The following ZNF662 variants were observed in gnomAD, a reference collection of about 807,000 sequenced individuals.
ZNF662 encodes the protein zinc finger protein 662.
In ZNF662, 14 loss-of-function variants were observed where a neutral mutation model predicts 12.4. The ratio of observed to expected loss-of-function variants is 1.13; its 90% CI spans 0.75 to 1.77. The LOEUF is 1.77. Among genes scored for constraint, ZNF662 ranks in the 40% most tolerant of loss-of-function variants. The pLI is 0.00. For missense variants in ZNF662, 550 were observed against 515.6 expected, an observed-to-expected ratio of 1.07 and a Z score of -0.65; for synonymous variants, 184 against 176.4, an observed-to-expected ratio of 1.04 and a Z score of -0.34.
At position 42,916,050 on chromosome 3, in the gene ZNF662, C is replaced by T. The variant is rs942420131; in HGVS notation, c.*696C>T. 6.6e-6 allele frequency: 1 copy of T among 152,074 alleles called. No homozygotes were observed. The highest frequency in any genetic ancestry group is 1.5e-5 in the Non-Finnish European group (1 of 68,016). 9.4% of individuals were successfully genotyped at this position (152,074 alleles called of 1,614,324 possible). A position where few individuals can be genotyped will look rare whatever the true frequency, so the allele number is the denominator to read the frequency against. ...AACATTAATCTTTGACTAGATATAA[C>T]ATGCTCATGATAAAAAAGAATTGAA... On this transcript the variant is annotated 3_prime_UTR_variant, in exon 5 of 5. Transcript: ENST00000440367.
chr3:42,910,170 G>T (rs973064039), intron 3 of ZNF662, among the ~76,000 whole-genome samples: 1 of 152,182 alleles, frequency 6.6e-6, no homozygotes, highest in Non-Finnish European at 1.5e-5. Context: ...GGCCAACACG[G>T]CCAAACCCCG....
chr3:42,915,473 G>C lies in ZNF662; in HGVS notation c.*119G>C. On this transcript the variant is annotated 3_prime_UTR_variant, in exon 5 of 5. Transcript: ENST00000440367. ...TAACTTAAATAGCCAGTATTATCTT[G>C]CCCTTTTGAACATTTACCATGTACT... The C allele has an allele frequency of 1.1e-6, 1 of 950,456 alleles. No individual in the cohort carries two copies. The highest frequency in any genetic ancestry group is 1.8e-5 in the South Asian group (1 of 55,710). 58.9% of individuals were successfully genotyped at this position (950,456 alleles called of 1,614,324 possible).
rs1354453891 is a variant in ZNF662 at position 42,915,646 on chromosome 3, A to C, written c.*292A>C. ...TAGGTGCTCTTCTCCCCATTTTACA[A>C]ATGAGAAATCTGAGTTGAAAGAGGT... On this transcript the variant is annotated 3_prime_UTR_variant, in exon 5 of 5. Transcript: ENST00000440367. The C allele has an allele frequency of 3.5e-6, 1 of 284,054 alleles. No individual in the cohort carries two copies. Among genetic ancestry groups the C allele is most frequent in the African/African-American group, 2.2e-5 (1 of 46,052 alleles). 17.6% of individuals were successfully genotyped at this position (284,054 alleles called of 1,614,324 possible). A position where few individuals can be genotyped will look rare whatever the true frequency, so the allele number is the denominator to read the frequency against.
rs2088893226 is a variant in ZNF662 at position 42,915,963 on chromosome 3, A to C, written c.*609A>C. ...TAATAGTCTCATGTCTTTTAATCTT[A>C]ACCCCAGCTAAATGACTCTGAGGAC... is the stretch of plus-strand genomic sequence containing the variant. On this transcript the variant is annotated 3_prime_UTR_variant, in exon 5 of 5. Coordinates refer to ENST00000440367, the MANE Select transcript of ZNF662 (RefSeq NM_207404.4). The C allele has an allele frequency of 6.6e-6, 1 of 152,122 alleles. No homozygotes were observed. Among genetic ancestry groups the C allele is most frequent in the African/African-American group, 2.4e-5 (1 of 41,424 alleles). 9.4% of individuals were successfully genotyped at this position (152,122 alleles called of 1,614,324 possible).
chr3:42,914,829 A>C lies in ZNF662; in HGVS notation c.756A>C (p.Glu252Asp), dbSNP rs1479405394. Residue 252 changes from glutamate to aspartate, a missense_variant, in exon 5 of 5, where the codon GAA (glutamate) becomes GAC (aspartate). By Grantham distance (45) the Glu-to-Asp change is conservative. Coordinates refer to ENST00000440367, the MANE Select transcript of ZNF662 (RefSeq NM_207404.4). ...HSGVKPYECQ[E>D]CAKAFVWKSN... Reference sequence around the variant, plus strand: ...GGGTGAAACCCTATGAATGTCAAGAATGTGCTAAGGCCTTTGTTTGGAAGT... The same window carrying C: ...GGGTGAAACCCTATGAATGTCAAGACTGTGCTAAGGCCTTTGTTTGGAAGT... 1 of 1,614,094 alleles carries C rather than the reference A, an allele frequency of 6.2e-7. No homozygotes were observed. The highest frequency in any genetic ancestry group is 1.1e-5 in the South Asian group (1 of 91,064).
At position 42,917,359 on chromosome 3, in the gene ZNF662, G is replaced by A. The variant is rs1011474425; in HGVS notation, c.*2005G>A. The stretch of plus-strand genomic sequence containing the variant: ...AAAGAGAGGCTTTTCTTCATCGAGA[G>A]CTACCAGAGGAGATATTATCTGTCC... On this transcript the variant is annotated 3_prime_UTR_variant, in exon 5 of 5. Coordinates refer to ENST00000440367, the MANE Select transcript of ZNF662 (RefSeq NM_207404.4). 1 of 603,404 alleles carries A rather than the reference G, an allele frequency of 1.7e-6. No individual in the cohort carries two copies. The highest frequency in any genetic ancestry group is 2.9e-6 in the Non-Finnish European group (1 of 342,674). 37.4% of individuals were successfully genotyped at this position (603,404 alleles called of 1,614,324 possible).
chr3:42,910,635 A>C (rs1235266515), intron 3 of ZNF662, among the ~76,000 whole-genome samples: 2 of 152,140 alleles, frequency 1.3e-5, no homozygotes, highest in Non-Finnish European at 2.9e-5. Context: ...GATAGTTCCT[A>C]TTCCTCAGGG....
In ZNF662 at chr3:42,906,174, G is replaced by C. The variant is rs965873350; in HGVS notation, c.-94+6G>C. ...CGGATGCTGGGGCCTGGCGGGTGTG[G>C]AGCACGGGGAGTCGGGCGTGGGGCG... On this transcript the variant is annotated splice_donor_region_variant and intron_variant, in intron 1 of 4. Coordinates refer to ENST00000440367, the MANE Select transcript of ZNF662 (RefSeq NM_207404.4). This position sits in a 1 kb window ranked among gnomAD's most constrained non-coding sequence, Gnocchi z 4.4. 1.7e-6 allele frequency: 1 copy of C among 577,100 alleles called. No individual in the cohort carries two copies. Among genetic ancestry groups the C allele is most frequent in the African/African-American group, 2.0e-5 (1 of 50,130 alleles). The allele number at this position is 577,100 out of a possible 1,614,324, so 35.7% of individuals were successfully genotyped here.
rs543161860 is a variant in ZNF662, at chr3:42,906,448, G to A, written c.-94+280G>A. ...GCTGCCCCGGGCGCGCCGGGTGAGT[G>A]CGGGGCCGGAGCCTGGAAGCAGTCT... On this transcript the variant is annotated intron_variant, in intron 1 of 4. Transcript: ENST00000440367. This position sits in a 1 kb window ranked among gnomAD's most constrained non-coding sequence, Gnocchi z 4.4. The A allele has an allele frequency of 3.5e-6, 5 of 1,441,316 alleles. No homozygotes were observed. In the South Asian group the frequency reaches 7.1e-5, roughly 20 times the overall value. The allele number at this position is 1,441,316 out of a possible 1,614,324, so 89.3% of individuals were successfully genotyped here.
chr3:42,916,364 T>G lies in ZNF662; in HGVS notation c.*1010T>G, dbSNP rs1218154980. Reference sequence around the variant, plus strand: ...ACAGCAGAGGGTAATCCAGGTCTTTTTTTTTTTTTTTTTTTTTTTAGACAG... The same window carrying G: ...ACAGCAGAGGGTAATCCAGGTCTTTGTTTTTTTTTTTTTTTTTTTAGACAG... On this transcript the variant is annotated 3_prime_UTR_variant, in exon 5 of 5. Transcript: ENST00000440367. The G allele has an allele frequency of 6.8e-6, 1 of 146,336 alleles. No individual in the cohort carries two copies. Among genetic ancestry groups the G allele is most frequent in the Non-Finnish European group, 1.5e-5 (1 of 66,506 alleles). The allele number at this position is 146,336 out of a possible 1,614,324, so 9.1% of individuals were successfully genotyped here.
intron 3 of ZNF662, among the ~76,000 whole-genome samples, chr3:42,912,665 T>TTTTTATATATATATAAATATATATAC (rs2088830027): frequency 2.6e-5 from 1 of 38,526 alleles, no homozygotes; most frequent in Non-Finnish European, 4.6e-5. Context: ...TATATATATA[T>TTTTTATATATATATAAATATATATAC]ATTTTTTATA....
chr3:42,907,663 A>C, intron 1 of ZNF662: 1 of 984,078 alleles, frequency 1.0e-6, no homozygotes, highest in South Asian at 4.7e-5. Flanking sequence ...AATAAATGAT[A>C]GTTGTTATCA....
intron 4 of ZNF662, among the ~76,000 whole-genome samples, chr3:42,913,817 G>C (rs1450034322): frequency 6.6e-6 from 1 of 152,102 alleles, no homozygotes; most frequent in Non-Finnish European, 1.5e-5. Flanking sequence ...CACTTCCCAT[G>C]GTTTCATGGT....
At position 42,914,443 on chromosome 3, in the gene ZNF662, TG is replaced by T. The variant is rs777966377; in HGVS notation, c.372del (p.Trp124CysfsTer12). The T allele has an allele frequency of 6.2e-7, 1 of 1,613,808 alleles. No individual in the cohort carries two copies. Among genetic ancestry groups the T allele is most frequent in the Admixed American group, 1.7e-5 (1 of 59,980 alleles). On this transcript the variant is annotated frameshift_variant, in exon 5 of 5. Transcript: ENST00000440367. LOFTEE classifies it low-confidence loss of function (END_TRUNC). ...GPQWCGSQEL[W>X]FGKTCEEKSR... ...CCAGTGGTGTGGATCCCAGGAATTA[TG>T]GTTTGGGAAAACCTGTGAAGAGAAA...
At position 42,914,937 on chromosome 3, in the gene ZNF662, C is replaced by T. The variant is rs1393444315; in HGVS notation, c.864C>T (p.Asn288=). The part of the protein sequence containing the change: ...CKECGKGFSQ[N]TSLTQHQRIH... The stretch of plus-strand genomic sequence containing the variant: ...AATGTGGGAAGGGCTTTAGTCAGAA[C>T]ACAAGCCTTACGCAACATCAACGGA... The change falls in exon 5 of 5, where the codon AAC becomes AAT. Residue 288 remains asparagine (N), a synonymous_variant. Transcript: ENST00000440367. 1 of 1,613,748 alleles carries T rather than the reference C, an allele frequency of 6.2e-7. No individual in the cohort carries two copies. The highest frequency in any genetic ancestry group is 8.5e-7 in the Non-Finnish European group (1 of 1,179,934).
intron 3 of ZNF662, chr3:42,911,960 T>C (rs2088796811): frequency 6.6e-6 from 1 of 152,002 alleles, no homozygotes; most frequent in South Asian, 2.1e-4. Flanking sequence ...TGAATAACTA[T>C]TTGCAATTCC....
chr3:42,914,355 T>G lies in ZNF662; in HGVS notation c.282T>G (p.Asp94Glu). 6.2e-7 allele frequency: 1 copy of G among 1,605,004 alleles called. No homozygotes were observed. The highest frequency in any genetic ancestry group is 8.5e-7 in the Non-Finnish European group (1 of 1,177,528). The change falls in exon 5 of 5, where the codon GAT becomes GAG. Residue 94 changes from aspartate to glutamate, a missense_variant. Physicochemically the swap from Asp to Glu is conservative, Grantham distance 45 (BLOSUM62 2). Transcript: ENST00000440367. Reference protein sequence around the residue: ...PEGVLKRKKEDFILKEEIIEE... With the variant: ...PEGVLKRKKEEFILKEEIIEE... ...GTGTGTTGAAGAGGAAGAAAGAAGATTTTATTCTGAAGGAGGAAATTATTG... is the reference window on the plus strand; with the variant it reads ...GTGTGTTGAAGAGGAAGAAAGAAGAGTTTATTCTGAAGGAGGAAATTATTG...
chr3:42,913,016 T>C (rs956338051), intron 3 of ZNF662, among the ~76,000 whole-genome samples, 185 bp from the exon 4 acceptor site: 43 of 151,886 alleles, frequency 2.8e-4, no homozygotes, highest in African/African-American at 9.7e-4. Context: ...GTGCTGGGAA[T>C]ACAGGTGTGA....
intron 3 of ZNF662, among the ~76,000 whole-genome samples, chr3:42,909,371 C>T (rs1041616738): frequency 3.3e-5 from 5 of 152,188 alleles, no homozygotes; most frequent in African/African-American, 9.6e-5. Flanking sequence ...TCAGAGAGCA[C>T]GGGGTTGGGG....
Sources: allele counts gnomAD v4.1 joint callset (sites outside exome capture counted in the v4.1 genomes callset), GRCh38; gene constraint gnomAD v4.1.1; non-coding constraint Gnocchi (gnomAD v3.1); transcripts MANE v1.5; gene names NCBI Gene and HGNC (gene_info 2026-07-23, HGNC 2026-07-21).